The following EPC1 variants were observed in gnomAD, a reference collection of about 807,000 sequenced individuals.
EPC1 encodes enhancer of polycomb homolog 1.
In EPC1, 12 loss-of-function variants were observed where a neutral mutation model predicts 98.4. That is an observed-to-expected ratio of 0.12 (90% confidence interval 0.08 to 0.20). The LOEUF (loss-of-function observed/expected upper bound fraction) is 0.20. Ranked by LOEUF, EPC1 falls within the 10% of genes least tolerant of loss-of-function variation. The pLI is 1.00. For missense variants in EPC1, 729 were observed against 990.5 expected (o/e 0.74, Z 3.54); for synonymous variants, 357 against 363.9 (o/e 0.98, Z 0.21).
In EPC1 at chr10:32,366,875, A is replaced by T. The variant is rs191965540; in HGVS notation, c.3+11616T>A. 2.9e-4 allele frequency among the ~76,000 whole-genome samples: 44 copies of T among 152,322 alleles called. No homozygotes were observed. The Middle Eastern group carries it at 0.014, about 47-fold the overall frequency. ...TTGGATGGAGAGATTGCAGGTGAGT[A>T]TAATGTAGCCTTTGCCATGGCAAAT... On this transcript the variant is annotated intron_variant, in intron 1 of 13. Coordinates refer to the EPC1 transcript ENST00000375110.
At chr10:32,333,787 C>T (rs1471549223) in intron 1 of EPC1, among the ~76,000 whole-genome samples, 1 of 152,066 alleles carries the variant, frequency 6.6e-6, no homozygotes, top group Non-Finnish European at 1.5e-5. Flanking sequence ...TGTTGTCTCT[C>T]AGTAAAAGCT....
chr10:32,311,802 G>T (rs769152268), intron 1 of EPC1, among the ~76,000 whole-genome samples: 26 of 152,188 alleles, frequency 1.7e-4, no homozygotes, highest in Admixed American at 2.6e-4. Flanking sequence ...CAGGTTATGT[G>T]ACTCTAGTCT....
At chr10:32,352,876 C>G (rs1365729732) in intron 1 of EPC1, among the ~76,000 whole-genome samples, 1 of 152,144 alleles carries the variant, frequency 6.6e-6, no homozygotes, top group Non-Finnish European at 1.5e-5. Flanking sequence ...ATCTATCTGG[C>G]CAGACACAGT....
At chr10:32,355,199 G>A (rs1353939842) in intron 1 of EPC1, among the ~76,000 whole-genome samples, 1 of 152,168 alleles carries the variant, frequency 6.6e-6, no homozygotes, top group East Asian at 1.9e-4. Flanking sequence ...CACTGTGCTG[G>A]CAAGCAGTTG....
chr10:32,360,005 T>C (rs1477441638), intron 1 of EPC1, among the ~76,000 whole-genome samples: 2 of 152,190 alleles, frequency 1.3e-5, no homozygotes, highest in Admixed American at 1.3e-4. Flanking sequence ...ATTCGTATGT[T>C]TGTATCATTA....
chr10:32,323,966 C>T (rs936923008), intron 1 of EPC1, among the ~76,000 whole-genome samples: 8 of 152,052 alleles, frequency 5.3e-5, no homozygotes, highest in East Asian at 1.9e-4. Context: ...GACAGAGTCT[C>T]GCTCTGTCGC....
At chr10:32,360,588 A>G (rs1295926183) in intron 1 of EPC1, among the ~76,000 whole-genome samples, 1 of 152,042 alleles carries the variant, frequency 6.6e-6, no homozygotes, top group Non-Finnish European at 1.5e-5. Flanking sequence ...CAGCAGTAGG[A>G]CTCTATAGAA....
intron 11 of EPC1, among the ~76,000 whole-genome samples, chr10:32,272,663 C>G (rs77066259): frequency 0.012 from 1,753 of 152,246 alleles, 19 homozygotes; most frequent in South Asian, 0.02. Context: ...ATAATTTAAC[C>G]TAGAAATTGA....
chr10:32,272,825 T>C (rs2132640334), intron 11 of EPC1, among the ~76,000 whole-genome samples: 1 of 152,362 alleles, frequency 6.6e-6, no homozygotes. Flanking sequence ...AGGTTATTTT[T>C]GCATAATGTT....
At chr10:32,332,947 T>C (rs968699938) in intron 1 of EPC1, among the ~76,000 whole-genome samples, 3 of 152,078 alleles carry the variant, frequency 2.0e-5, no homozygotes, top group Admixed American at 2.0e-4. Context: ...ACAAGGAGAA[T>C]AGAAAAGTGA....
At chr10:32,304,778 G>A (rs1201202353) in intron 2 of EPC1, among the ~76,000 whole-genome samples, 1 of 151,950 alleles carries the variant, frequency 6.6e-6, no homozygotes, top group Non-Finnish European at 1.5e-5. Flanking sequence ...AATTAGCTGG[G>A]CGTGGTGGCA....
At chr10:32,341,341 G>GTGTGTGTGTA (rs1267848889) in intron 1 of EPC1, among the ~76,000 whole-genome samples, 1 of 152,076 alleles carries the variant, frequency 6.6e-6, no homozygotes, top group African/African-American at 2.4e-5. Flanking sequence ...CTGTGTGTGT[G>GTGTGTGTGTA]TATAGATTCT....
At chr10:32,282,163 A>T (rs1836443679) in intron 10 of EPC1, 1 of 152,178 alleles carries the variant, frequency 6.6e-6, no homozygotes, top group African/African-American at 2.4e-5. Context: ...GTATTAGAAG[A>T]TCTAGCAAAA....
intron 1 of EPC1, among the ~76,000 whole-genome samples, chr10:32,336,326 T>G (rs758778492): frequency 6.6e-5 from 10 of 152,006 alleles, no homozygotes; most frequent in Non-Finnish European, 1.2e-4. Context: ...CCTCGGCTTC[T>G]CAAAGTGCTG....
chr10:32,279,077 G>A lies in EPC1; in HGVS notation c.1744+5621C>T, dbSNP rs575018678. Among the ~76,000 whole-genome samples, 328 of 152,244 alleles carry A rather than the reference G, an allele frequency of 2.2e-3. 1 individual carries two copies. Among genetic ancestry groups the A allele is most frequent in the African/African-American group, 7.6e-3 (316 of 41,536 alleles). ...AGTAAAAAAAATTCTGAGGCTGGGCGCAGTGGCTCACGCCTGTAATCCCAG... is the reference window on the plus strand; with the variant it reads ...AGTAAAAAAAATTCTGAGGCTGGGCACAGTGGCTCACGCCTGTAATCCCAG... On this transcript the variant is annotated intron_variant, in intron 10 of 13. Transcript: ENST00000319778.
chr10:32,321,761 A>T (rs1326232624), intron 1 of EPC1, among the ~76,000 whole-genome samples: 1 of 151,388 alleles, frequency 6.6e-6, no homozygotes, highest in African/African-American at 2.4e-5. Flanking sequence ...CTGAGGTCTG[A>T]CTCCAGAACC....
intron 1 of EPC1, among the ~76,000 whole-genome samples, chr10:32,340,512 CA>C (rs1371037644): frequency 4.6e-5 from 7 of 152,138 alleles, no homozygotes; most frequent in African/African-American, 1.7e-4. Flanking sequence ...GTGTTGAAGG[CA>C]ACAGTTAGCA....
chr10:32,284,471 T>C, intron 10 of EPC1: 1 of 393,796 alleles, frequency 2.5e-6, no homozygotes, highest in Non-Finnish European at 4.5e-6. Context: ...ACATATTAAA[T>C]AGAAATAAAC....
At chr10:32,272,199 G>T (rs1419969129) in intron 11 of EPC1, 32 bp from the exon 12 acceptor site, 1 of 1,534,220 alleles carries the variant, frequency 6.5e-7, no homozygotes, top group Non-Finnish European at 8.8e-7. Context: ...AATCTAATCA[G>T]TATCACTTAG....
Sources: allele counts gnomAD v4.1 joint callset (sites outside exome capture counted in the v4.1 genomes callset), GRCh38; gene constraint gnomAD v4.1.1; transcripts MANE v1.5; gene names NCBI Gene and HGNC (gene_info 2026-07-23, HGNC 2026-07-21).